The following NUS1 variants were observed in gnomAD, a reference collection of about 807,000 sequenced individuals.
NUS1 encodes NUS1 dehydrodolichyl diphosphate synthase subunit, also known as dehydrodolichyl diphosphate synthase complex subunit NUS1.
For missense variants in NUS1, 292 were observed against 382.9 expected (o/e 0.76, Z 1.98); for synonymous variants, 135 against 155.2 (o/e 0.87, Z 0.97).
chr6:117,696,396 G>A (rs1773321129), intron 3 of NUS1, among the ~76,000 whole-genome samples: 1 of 151,880 alleles, frequency 6.6e-6, no homozygotes, highest in Non-Finnish European at 1.5e-5. Context: ...AAAAATATCA[G>A]CATTCAACTA....
intron 1 of NUS1, among the ~76,000 whole-genome samples, chr6:117,682,275 TTG>T (rs1773072716): frequency 6.6e-6 from 1 of 152,190 alleles, no homozygotes. Flanking sequence ...ATGTACCCTT[TTG>T]TTTAACTATA....
intron 3 of NUS1, among the ~76,000 whole-genome samples, chr6:117,700,989 GC>G (rs756289210): frequency 2.0e-5 from 3 of 150,780 alleles, no homozygotes; most frequent in Admixed American, 6.6e-5. Context: ...GGGAAGTGAG[GC>G]TGGCTACTGT....
chr6:117,700,147 C>G (rs1413377391), intron 3 of NUS1, among the ~76,000 whole-genome samples: 1 of 152,096 alleles, frequency 6.6e-6, no homozygotes, highest in Non-Finnish European at 1.5e-5. Flanking sequence ...CAAATGAGAT[C>G]ACATCAAGTT....
rs1293300988 is a variant in NUS1 at position 117,707,909 on chromosome 6, T to C, written c.*894T>C. 3.3e-5 allele frequency: 5 copies of C among 150,308 alleles called. No individual in the cohort carries two copies. The highest frequency in any genetic ancestry group is 7.4e-5 in the Non-Finnish European group (5 of 67,414). The allele number at this position is 150,308 out of a possible 1,614,324, so 9.3% of individuals were successfully genotyped here. A position where few individuals can be genotyped will look rare whatever the true frequency, so the allele number is the denominator to read the frequency against. ...CTTATTATAAATGGAAAGAAAGTTT[T>C]ATTTCCTTTTTTGTTTGATGGGCAG... On this transcript the variant is annotated 3_prime_UTR_variant, in exon 5 of 5. Transcript: ENST00000368494.
chr6:117,676,061 T>C lies in NUS1; in HGVS notation c.391T>C (p.Tyr131His). 1 of 1,550,688 alleles carries C rather than the reference T, an allele frequency of 6.4e-7. No homozygotes were observed. Among genetic ancestry groups the C allele is most frequent in the Non-Finnish European group, 8.7e-7 (1 of 1,147,208 alleles). Reference protein sequence around the residue: ...VVWCMAVGISYISVYDHQGIF... With the variant: ...VVWCMAVGISHISVYDHQGIF... ...GTGGTGTATGGCCGTGGGCATCTCCTACATTAGCGTCTACGACCACCAAGG... is the reference window on the plus strand; with the variant it reads ...GTGGTGTATGGCCGTGGGCATCTCCCACATTAGCGTCTACGACCACCAAGG... Residue 131 changes from tyrosine to histidine, a missense_variant, in exon 1 of 5, where the codon TAC becomes CAC. Physicochemically the swap from Tyr to His is moderately conservative, Grantham distance 83 (BLOSUM62 2). Transcript: ENST00000368494.
Position 117,675,832 on chromosome 6 carries a change from C to T in NUS1, c.162C>T (p.Phe54=), listed in dbSNP as rs1772966340. 3 of 1,545,924 alleles carry T rather than the reference C, an allele frequency of 1.9e-6. No homozygotes were observed. The highest frequency in any genetic ancestry group is 1.2e-5 in the South Asian group (1 of 83,990). The stretch of plus-strand genomic sequence containing the variant: ...CCGCGGTCCTAGCGCCGCTCGGCTT[C>T]ACGCTCCGCAAGCCCCCGGCAGTCG... ...ASAAVLAPLG[F]TLRKPPAVGR... Residue 54 remains phenylalanine, a synonymous_variant, in exon 1 of 5, where the codon TTC becomes TTT. Coordinates refer to ENST00000368494, the MANE Select transcript of NUS1 (RefSeq NM_138459.5).
At position 117,708,263 on chromosome 6, in the gene NUS1, T is replaced by A. The variant is rs1773528684; in HGVS notation, c.*1248T>A. ...GTTCTGTTATTTTTAAAATGAATAA[T>A]TGATTTCTTGATAGGTGTTTAATAT... On this transcript the variant is annotated 3_prime_UTR_variant, in exon 5 of 5. Transcript: ENST00000368494. 1 of 152,258 alleles carries A rather than the reference T, an allele frequency of 6.6e-6. No homozygotes were observed. Among genetic ancestry groups the A allele is most frequent in the African/African-American group, 2.4e-5 (1 of 41,434 alleles). 9.4% of individuals were successfully genotyped at this position (152,258 alleles called of 1,614,324 possible).
At chr6:117,679,063 T>C (rs1174080681) in intron 1 of NUS1, among the ~76,000 whole-genome samples, 1 of 152,216 alleles carries the variant, frequency 6.6e-6, no homozygotes, top group Admixed American at 6.5e-5. Flanking sequence ...ATTGACATAC[T>C]CGTAAATGCC....
At chr6:117,680,560 T>G (rs980996670) in intron 1 of NUS1, among the ~76,000 whole-genome samples, 1 of 152,188 alleles carries the variant, frequency 6.6e-6, no homozygotes, top group Non-Finnish European at 1.5e-5. Context: ...AAATGCAGAT[T>G]CAACACACTT....
At chr6:117,678,839 G>A (rs1291188963) in intron 1 of NUS1, among the ~76,000 whole-genome samples, 1 of 151,822 alleles carries the variant, frequency 6.6e-6, no homozygotes, top group Non-Finnish European at 1.5e-5. Context: ...GCGCCACCCC[G>A]CCCTGCTAAT....
rs974938018 is a variant in NUS1 at position 117,676,100 on chromosome 6, G to A, written c.415+15G>A. 1 of 1,550,360 alleles carries A rather than the reference G, an allele frequency of 6.5e-7. No homozygotes were observed. On this transcript the variant is annotated intron_variant, in intron 1 of 4. Coordinates refer to ENST00000368494, the MANE Select transcript of NUS1 (RefSeq NM_138459.5). ...CGACCACCAAGGTGAGGCCCGGTGC[G>A]GTGGTGGGGGGTGGCCGAGGCGTCT...
intron 1 of NUS1, among the ~76,000 whole-genome samples, chr6:117,691,562 T>TAG (rs1035498540): frequency 6.2e-4 from 8 of 12,894 alleles, no homozygotes; most frequent in South Asian, 6.4e-3. Context: ...GATATAGATA[T>TAG]ATATATATAT....
At chr6:117,700,788 T>G (rs1157020997) in intron 3 of NUS1, among the ~76,000 whole-genome samples, 1 of 152,046 alleles carries the variant, frequency 6.6e-6, no homozygotes, top group Non-Finnish European at 1.5e-5. Context: ...AAGAACAAGA[T>G]CCTGTCATTT....
At chr6:117,702,998 T>C (rs1773432491) in intron 3 of NUS1, among the ~76,000 whole-genome samples, 1 of 152,170 alleles carries the variant, frequency 6.6e-6, no homozygotes, top group Non-Finnish European at 1.5e-5. Flanking sequence ...ATGAAAGAGA[T>C]AAAAATTGAC....
intron 1 of NUS1, 111 bp downstream of exon 1, chr6:117,676,196 C>A: frequency 6.7e-7 from 1 of 1,498,792 alleles, no homozygotes; most frequent in South Asian, 1.3e-5. Flanking sequence ...CTGCAAATCA[C>A]AGCGCTAGCG....
chr6:117,683,949 G>A (rs1773099677), intron 1 of NUS1, among the ~76,000 whole-genome samples: 1 of 152,166 alleles, frequency 6.6e-6, no homozygotes, highest in South Asian at 2.1e-4. Context: ...TTCAGTTAAT[G>A]TGTAAGACTG....
At position 117,706,486 on chromosome 6, in the gene NUS1, A is replaced by G. The variant is rs147449438; in HGVS notation, c.792-439A>G. 9.8e-5 allele frequency among the ~76,000 whole-genome samples: 15 copies of G among 152,334 alleles called. No homozygotes were observed. The East Asian group carries it at 2.7e-3, about 27-fold the overall frequency. On this transcript the variant is annotated intron_variant, in intron 4 of 4. Coordinates refer to ENST00000368494, the MANE Select transcript of NUS1 (RefSeq NM_138459.5). ...CGCTTTAACAAGTTATGAATCTCTC[A>G]TTACTAGTTGCTTTTCTTGTGGAAA...
chr6:117,678,982 A>C (rs922962564), intron 1 of NUS1, among the ~76,000 whole-genome samples: 15 of 152,284 alleles, frequency 9.9e-5, no homozygotes, highest in African/African-American at 3.4e-4. Context: ...GCGCCCGGCC[A>C]TATTCAGTGT....
chr6:117,675,476 T>TG lies in NUS1; in HGVS notation c.-190dup. On this transcript the variant is annotated 5_prime_UTR_variant, in exon 1 of 5. Coordinates refer to ENST00000368494, the MANE Select transcript of NUS1 (RefSeq NM_138459.5). Reference sequence around the variant, plus strand: ...CCAATCGGAACTGTCCATGTACTACTGGGGGCGGGGCTGCCAAGGGAGGAG... The same window carrying TG: ...CCAATCGGAACTGTCCATGTACTACTGGGGGGCGGGGCTGCCAAGGGAGGAG... 5.1e-6 allele frequency: 3 copies of TG among 586,752 alleles called. No homozygotes were observed. Among genetic ancestry groups the TG allele is most frequent in the Non-Finnish European group, 8.9e-6 (3 of 338,044 alleles). The allele number at this position is 586,752 out of a possible 1,614,324, so 36.3% of individuals were successfully genotyped here.
Sources: gnomAD v4.1 joint callset for allele counts (sites outside exome capture counted in the v4.1 genomes callset) on GRCh38, gnomAD v4.1.1 for gene constraint, MANE v1.5 for transcripts, NCBI Gene and HGNC (gene_info 2026-07-23, HGNC 2026-07-21) for gene names.